The following PRRC2B variants were observed in gnomAD, a reference collection of about 807,000 sequenced individuals.
PRRC2B encodes protein PRRC2B.
PRRC2B carries 68 observed loss-of-function variants against 242.3 expected under a neutral mutation model. The ratio of observed to expected loss-of-function variants is 0.28; its 90% CI spans 0.23 to 0.34. The LOEUF is 0.34. Among genes scored for constraint, PRRC2B ranks in the 10% least tolerant of loss-of-function variants. PRRC2B has a pLI of 1.00. For synonymous variants in PRRC2B, 1,228 were observed against 1,173.6 expected (o/e 1.05, Z -0.95); for missense variants, 2,835 against 2,954.8 (o/e 0.96, Z 0.94).
At chr9:131,481,328 A>AG (rs1943859389) in intron 19 of PRRC2B, among the ~76,000 whole-genome samples, 1 of 151,186 alleles carries the variant, frequency 6.6e-6, no homozygotes, top group Non-Finnish European at 1.5e-5. Context: ...AAAAAAAAAA[A>AG]AAAAGAAAGA....
At position 131,447,679 on chromosome 9, in the gene PRRC2B, G is replaced by T. The variant is rs1180634384; in HGVS notation, c.995G>T (p.Gly332Val). 5 of 1,606,046 alleles carry T rather than the reference G, an allele frequency of 3.1e-6. No individual in the cohort carries two copies. The East Asian group carries it at 6.7e-5, about 22-fold the overall frequency. Residue 332 changes from glycine to valine, a missense_variant, in exon 9 of 32, where the codon GGA becomes GTA. Around this residue, in one of 7 missense-constraint regions of PRRC2B, gnomAD observed 626 missense variants for 685.5 expected, o/e 0.91. Coordinates refer to ENST00000683519, the MANE Select transcript of PRRC2B (RefSeq NM_013318.4). ...NDQDGKENRL[G>V]LSRPLRPLRQ... ...TTTATCAGAAAAGAAAACAGGCTGG[G>T]ATTGTCTCGCCCACTCCGCCCACTA...
At position 131,479,365 on chromosome 9, in the gene PRRC2B, C is replaced by A; in HGVS notation, c.4872C>A (p.Gly1624=). ...GDVTVPGSSL[G]TEIWESSSQA... Reference sequence around the variant, plus strand: ...TGACCGTGCCTGGCAGCAGCCTGGGCACTGAGATCTGGGAGAGCAGCAGCC... The same window carrying A: ...TGACCGTGCCTGGCAGCAGCCTGGGAACTGAGATCTGGGAGAGCAGCAGCC... Residue 1624 remains glycine, a synonymous_variant, in exon 19 of 32, where the codon GGC becomes GGA. Transcript: ENST00000683519. 1 of 1,613,790 alleles carries A rather than the reference C, an allele frequency of 6.2e-7. No homozygotes were observed. The highest frequency in any genetic ancestry group is 2.2e-5 in the East Asian group (1 of 44,876).
At chr9:131,404,181 G>T (rs529606787) in intron 1 of PRRC2B, among the ~76,000 whole-genome samples, 1 of 146,632 alleles carries the variant, frequency 6.8e-6, no homozygotes, top group East Asian at 2.0e-4. Context: ...AGAAAAAATC[G>T]TTTATAATCC....
intron 11 of PRRC2B, among the ~76,000 whole-genome samples, chr9:131,460,942 CG>C (rs1188743515): frequency 1.3e-5 from 2 of 152,096 alleles, no homozygotes; most frequent in Non-Finnish European, 2.9e-5. Context: ...CGGACAGTTG[CG>C]GGGAATGTAT....
chr9:131,479,431 A>G lies in PRRC2B; in HGVS notation c.4900+38A>G, dbSNP rs1943795898. 2.5e-6 allele frequency: 4 copies of G among 1,598,022 alleles called. No homozygotes were observed. The African/African-American group carries it at 4.0e-5, about 16-fold the overall frequency. ...GGTGTGACCCCAGCTGTGGCACCCA[A>G]GGTCACATCACACACTGGGTTTGCT... On this transcript the variant is annotated intron_variant, in intron 19 of 31. Transcript: ENST00000683519.
rs138012997 is a variant in PRRC2B at position 131,435,731 on chromosome 9, G to A, written c.294-889G>A. 6.9e-3 allele frequency among the ~76,000 whole-genome samples: 1,051 copies of A among 152,230 alleles called. 18 individuals carry two copies. Among genetic ancestry groups the A allele is most frequent in the African/African-American group, 0.024 (1,011 of 41,492 alleles). On this transcript the variant is annotated intron_variant, in intron 3 of 31. Transcript: ENST00000683519. ...ATTATGACCTGTCTAGTTGTGTTGTGTGCTCATTAAAAGCAAAAGGAAGAT... is the reference window on the plus strand; with the variant it reads ...ATTATGACCTGTCTAGTTGTGTTGTATGCTCATTAAAAGCAAAAGGAAGAT...
At position 131,465,092 on chromosome 9, in the gene PRRC2B, C is replaced by T. The variant is rs1201094912; in HGVS notation, c.1720+14C>T. The T allele has an allele frequency of 3.8e-6, 6 of 1,588,388 alleles. No individual in the cohort carries two copies. Among genetic ancestry groups the T allele is most frequent in the Middle Eastern group, 3.4e-4 (2 of 5,952 alleles). On this transcript the variant is annotated intron_variant, in intron 12 of 31. Transcript: ENST00000683519. The stretch of plus-strand genomic sequence containing the variant: ...CTGTCCACAAAGGTAAGAGCTGGGC[C>T]GTCTTCCCACCAACTGGAAACCCTG...
Position 131,475,299 on chromosome 9 carries a change from C to A in PRRC2B, c.3170C>A (p.Ala1057Asp). The A allele has an allele frequency of 6.2e-7, 1 of 1,607,894 alleles. No homozygotes were observed. The highest frequency in any genetic ancestry group is 1.1e-5 in the South Asian group (1 of 90,560). ...TGGATCTTTATTGATGAGGAGCAAGCCTTTGGGGTCAGAGGACAGGCCCGG... is the reference window on the plus strand; with the variant it reads ...TGGATCTTTATTGATGAGGAGCAAGACTTTGGGGTCAGAGGACAGGCCCGG... ...NNWIFIDEEQAFGVRGQARGR... is the reference protein window; with the variant it reads ...NNWIFIDEEQDFGVRGQARGR... Residue 1057 changes from alanine (A) to aspartate (D), a missense_variant, in exon 16 of 32, where the codon GCC (alanine) becomes GAC (aspartate). This residue lies in a region of PRRC2B where 1,536 missense variants were observed against 1,483.1 expected (regional missense o/e 1.04). Coordinates refer to ENST00000683519, the MANE Select transcript of PRRC2B (RefSeq NM_013318.4).
chr9:131,464,718 G>C, intron 11 of PRRC2B, 45 bp from the exon 12 acceptor site: 1 of 1,504,606 alleles, frequency 6.6e-7, no homozygotes, highest in Non-Finnish European at 8.9e-7. Context: ...CCTGTATCCC[G>C]GGTCCCGGAC....
chr9:131,486,866 T>G (rs1944038587), intron 26 of PRRC2B, among the ~76,000 whole-genome samples: 2 of 152,258 alleles, frequency 1.3e-5, no homozygotes, highest in African/African-American at 4.8e-5. Context: ...TTTCTTTTTG[T>G]GCATTGTTAA....
chr9:131,459,491 A>G, intron 11 of PRRC2B, 135 bp downstream of exon 11: 2 of 808,456 alleles, frequency 2.5e-6, no homozygotes, highest in Non-Finnish European at 3.8e-6. Context: ...TTTCATAGAG[A>G]CAGGGTCTCA....
rs975408818 is a variant in PRRC2B at position 131,459,242 on chromosome 9, G to A, written c.1290G>A (p.Glu430=). ...ADSADAKRTR[E]EGKDWAEAVG... is the part of the protein sequence containing the mutation. ...GTGCGGACGCTAAGCGGACTCGAGA[G>A]GAAGGGAAGGACTGGGCTGAAGCAG... The change falls in exon 11 of 32, where the codon GAG becomes GAA. Residue 430 remains glutamate, a synonymous_variant. Coordinates refer to ENST00000683519, the MANE Select transcript of PRRC2B (RefSeq NM_013318.4). The A allele has an allele frequency of 3.7e-6, 6 of 1,613,974 alleles. No individual in the cohort carries two copies. Among genetic ancestry groups the A allele is most frequent in the Admixed American group, 1.7e-5 (1 of 60,028 alleles).
intron 1 of PRRC2B, among the ~76,000 whole-genome samples, chr9:131,416,201 C>G (rs761479139): frequency 6.6e-6 from 1 of 151,984 alleles, no homozygotes; most frequent in Non-Finnish European, 1.5e-5. Flanking sequence ...TTCTGCCTCC[C>G]AGGTTCAAGT....
intron 14 of PRRC2B, among the ~76,000 whole-genome samples, chr9:131,471,331 A>G (rs1943540592): frequency 6.6e-6 from 1 of 152,086 alleles, no homozygotes; most frequent in African/African-American, 2.4e-5. Context: ...CCTTTTTAAA[A>G]TCAGTATTTG....
Position 131,464,846 on chromosome 9 carries a change from G to C in PRRC2B, c.1488G>C (p.Gln496His). The part of the protein sequence containing the change: ...DKPPPRQKFI[Q>H]SEMSEAVERA... ...CCCCACCAAGGCAGAAGTTCATTCA[G>C]TCAGAGATGTCCGAGGCGGTGGAGC... is the stretch of plus-strand genomic sequence containing the variant. Residue 496 changes from glutamine to histidine, a missense_variant, in exon 12 of 32, where the codon CAG becomes CAC. By Grantham distance (24) the Gln-to-His change is conservative. Around this residue, in one of 7 missense-constraint regions of PRRC2B, gnomAD observed 626 missense variants for 685.5 expected, o/e 0.91. Transcript: ENST00000683519. The C allele has an allele frequency of 6.2e-7, 1 of 1,613,930 alleles. No individual in the cohort carries two copies. Among genetic ancestry groups the C allele is most frequent in the Non-Finnish European group, 8.5e-7 (1 of 1,179,880 alleles).
chr9:131,409,042 G>A (rs1240645422), intron 1 of PRRC2B, among the ~76,000 whole-genome samples: 2 of 140,256 alleles, frequency 1.4e-5, no homozygotes, highest in Admixed American at 7.4e-5. Flanking sequence ...TTTTTCCTGA[G>A]ATGGAGTTTT....
chr9:131,398,428 A>G (rs968942859), intron 1 of PRRC2B, among the ~76,000 whole-genome samples: 3 of 152,226 alleles, frequency 2.0e-5, no homozygotes, highest in Non-Finnish European at 4.4e-5. Flanking sequence ...CAGCAGGAGT[A>G]GCTGGCAGAA....
At position 131,482,543 on chromosome 9, in the gene PRRC2B, C is replaced by G. The variant is rs763843077; in HGVS notation, c.5156C>G (p.Pro1719Arg). ...GCCGACAGCCACAAGGAGCAGGCTC[C>G]AAAGCCATCTGAGCAGAAGGTAACC... The part of the protein sequence containing the change: ...PKADSHKEQA[P>R]KPSEQKDSEQ... Residue 1719 changes from proline to arginine, a missense_variant, in exon 21 of 32, where the codon CCA becomes CGA. Physicochemically the swap from Pro to Arg is moderately radical, Grantham distance 103 (BLOSUM62 -2). This residue lies in a region of PRRC2B where 51 missense variants were observed against 45.1 expected (regional missense o/e 1.13). Coordinates refer to ENST00000683519, the MANE Select transcript of PRRC2B (RefSeq NM_013318.4). This position sits in a 1 kb window ranked among gnomAD's most constrained non-coding sequence, Gnocchi z 5.2. 3.1e-6 allele frequency: 5 copies of G among 1,604,338 alleles called. No homozygotes were observed. The highest frequency in any genetic ancestry group is 4.3e-6 in the Non-Finnish European group (5 of 1,173,388).
Position 131,496,008 on chromosome 9 carries a change from C to G in PRRC2B, c.*134C>G. ...GCCCAGACTGAGAGACCTCCCTCCTCTCCACTCCCGAAAGCTCCGTTGTCA... is the reference window on the plus strand; with the variant it reads ...GCCCAGACTGAGAGACCTCCCTCCTGTCCACTCCCGAAAGCTCCGTTGTCA... On this transcript the variant is annotated 3_prime_UTR_variant, in exon 32 of 32. Transcript: ENST00000683519. The G allele has an allele frequency of 8.1e-7, 1 of 1,236,048 alleles. No individual in the cohort carries two copies. Among genetic ancestry groups the G allele is most frequent in the South Asian group, 1.5e-5 (1 of 67,300 alleles). 76.6% of individuals were successfully genotyped at this position (1,236,048 alleles called of 1,614,324 possible).
Sources: allele counts gnomAD v4.1 joint callset (sites outside exome capture counted in the v4.1 genomes callset), GRCh38; gene constraint gnomAD v4.1.1; regional missense constraint gnomAD v4.1.1; non-coding constraint Gnocchi (gnomAD v3.1); transcripts MANE v1.5; gene names NCBI Gene and HGNC (gene_info 2026-07-23, HGNC 2026-07-21).